Variants in ADTRP observed in about 807,000 individuals in gnomAD.
ADTRP encodes androgen dependent TFPI regulating protein, also known as androgen-dependent TFPI-regulating protein.
A neutral mutation model predicts 27.0 loss-of-function variants in ADTRP; 20 were observed. That is an observed-to-expected ratio of 0.74 (90% CI 0.52 to 1.08). The LOEUF (loss-of-function observed/expected upper bound fraction) is 1.08. Ranked by LOEUF, ADTRP falls within the 50% of genes least tolerant of loss-of-function variation. The pLI, the probability that ADTRP is intolerant of heterozygous loss-of-function variation, is 0.00. For synonymous variants in ADTRP, 101 were observed against 105.2 expected (o/e 0.96, Z 0.25); for missense variants, 251 against 275.0 (o/e 0.91, Z 0.62).
At chr6:11,747,251 T>C (rs1356578525) in intron 3 of ADTRP, among the ~76,000 whole-genome samples, 1 of 152,226 alleles carries the variant, frequency 6.6e-6, no homozygotes, top group Non-Finnish European at 1.5e-5. Context: ...GAGTTCCTAG[T>C]TGTGTTCAGA....
chr6:11,731,254 G>T (rs1289421852), intron 4 of ADTRP, among the ~76,000 whole-genome samples: 1 of 152,198 alleles, frequency 6.6e-6, no homozygotes, highest in East Asian at 1.9e-4. Context: ...AGTACATAAT[G>T]TGCTGGCTAG....
rs1561745106 is a variant in ADTRP, at chr6:11,727,964, AGGGAGGGAGGTAGGTAGG to A, written c.507-4482_507-4465del. Reference sequence around the variant, plus strand: ...AAAGAAGGAAGGAAGGGAGGCAGGGAGGGAGGGAGGTAGGTAGGGAGGGAGGGAGGGAGGGAGGGAGGG... The same window carrying A: ...AAAGAAGGAAGGAAGGGAGGCAGGGAGAGGGAGGGAGGGAGGGAGGGAGGG... On this transcript the variant is annotated intron_variant, in intron 4 of 5. Transcript: ENST00000414691. Among the ~76,000 whole-genome samples, 186 of 42,680 alleles carry A rather than the reference AGGGAGGGAGGTAGGTAGG, an allele frequency of 4.4e-3. 1 individual carries two copies. Among genetic ancestry groups the A allele is most frequent in the African/African-American group, 0.02 (182 of 9,130 alleles). The allele number at this position is 42,680 out of a possible 152,430, so 28.0% of individuals were successfully genotyped here.
intron 3 of ADTRP, among the ~76,000 whole-genome samples, chr6:11,765,323 G>GTTTTT (rs34943978): frequency 8.4e-6 from 1 of 119,136 alleles, no homozygotes; most frequent in Non-Finnish European, 1.6e-5. Flanking sequence ...CCCCTGGTTT[G>GTTTTT]TTTTTTTTTT....
At chr6:11,757,483 A>T (rs1460811268) in intron 3 of ADTRP, among the ~76,000 whole-genome samples, 1 of 152,156 alleles carries the variant, frequency 6.6e-6, no homozygotes, top group Non-Finnish European at 1.5e-5. Flanking sequence ...TTGCCAAACT[A>T]ACTGTACTAG....
intron 4 of ADTRP, among the ~76,000 whole-genome samples, chr6:11,727,390 T>C (rs758968413): frequency 2.6e-5 from 4 of 152,184 alleles, no homozygotes; most frequent in Non-Finnish European, 5.9e-5. Flanking sequence ...CCTGCATGGC[T>C]ACTTCTCATG....
chr6:11,768,148 T>C, intron 2 of ADTRP, 101 bp downstream of exon 2: 1 of 1,424,096 alleles, frequency 7.0e-7, no homozygotes, highest in Non-Finnish European at 9.6e-7. Flanking sequence ...GCAGTGGGTG[T>C]GGTTTCCAAT....
chr6:11,731,730 A>G (rs1762387022), intron 4 of ADTRP, among the ~76,000 whole-genome samples: 1 of 151,098 alleles, frequency 6.6e-6, no homozygotes, highest in South Asian at 2.1e-4. Flanking sequence ...AGCTGGATGC[A>G]AACTCTTCCT....
chr6:11,761,001 T>A (rs1763374884), intron 3 of ADTRP, among the ~76,000 whole-genome samples: 1 of 152,192 alleles, frequency 6.6e-6, no homozygotes, highest in African/African-American at 2.4e-5. Context: ...GAACCCTGGC[T>A]ACACCCTCTT....
chr6:11,751,859 G>A (rs1192433336), intron 3 of ADTRP, among the ~76,000 whole-genome samples: 2 of 152,186 alleles, frequency 1.3e-5, no homozygotes, highest in Non-Finnish European at 2.9e-5. Flanking sequence ...CAACACTTTG[G>A]AGCTATTATT....
intron 1 of ADTRP, among the ~76,000 whole-genome samples, chr6:11,771,536 C>T (rs552612244): frequency 2.0e-5 from 3 of 152,294 alleles, no homozygotes; most frequent in South Asian, 2.1e-4. Context: ...CCCACCCGAA[C>T]GGTCTGCTTA....
intron 4 of ADTRP, among the ~76,000 whole-genome samples, chr6:11,726,723 G>T (rs921313854): frequency 6.6e-6 from 1 of 152,216 alleles, no homozygotes; most frequent in Non-Finnish European, 1.5e-5. Context: ...GGAGATGGAT[G>T]GTGGTGATGG....
chr6:11,723,173 A>T (rs1371427316), intron 5 of ADTRP, among the ~76,000 whole-genome samples, 176 bp downstream of exon 5: 1 of 152,164 alleles, frequency 6.6e-6, no homozygotes, highest in Non-Finnish European at 1.5e-5. Flanking sequence ...CCCCACCCCC[A>T]ACGCTGTCCT....
chr6:11,767,775 C>T (rs545174343), intron 2 of ADTRP: 3 of 153,452 alleles, frequency 2.0e-5, no homozygotes, highest in Admixed American at 1.9e-4. Flanking sequence ...TTGTCTTTTC[C>T]ATGTGCCACC....
At position 11,727,349 on chromosome 6, in the gene ADTRP, A is replaced by T. The variant is rs187438835; in HGVS notation, c.507-3849T>A. 5.0e-4 allele frequency among the ~76,000 whole-genome samples: 73 copies of T among 147,088 alleles called. 1 individual carries two copies. The highest frequency in any genetic ancestry group is 2.6e-3 in the South Asian group (12 of 4,628). ...GTTCTTTAAGATATGCGTTCCATGG[A>T]TGCATTACAGGATGCCCACAGTGAT... On this transcript the variant is annotated intron_variant, in intron 4 of 5. Coordinates refer to ENST00000414691, the MANE Select transcript of ADTRP (RefSeq NM_032744.4).
chr6:11,773,951 C>T (rs1293786287), intron 1 of ADTRP, among the ~76,000 whole-genome samples: 1 of 152,158 alleles, frequency 6.6e-6, no homozygotes, highest in Non-Finnish European at 1.5e-5. Flanking sequence ...ACCCTTTCAG[C>T]TATTGAAGTG....
At chr6:11,747,261 A>C (rs75865947) in intron 3 of ADTRP, among the ~76,000 whole-genome samples, 3,212 of 152,312 alleles carry the variant, frequency 0.021, 105 homozygotes, top group African/African-American at 0.074. Flanking sequence ...TTGTGTTCAG[A>C]GGGAGATGCT....
chr6:11,772,896 T>C (rs1763830420), intron 1 of ADTRP, among the ~76,000 whole-genome samples: 2 of 152,114 alleles, frequency 1.3e-5, no homozygotes, highest in South Asian at 2.1e-4. Context: ...GAACCACAGT[T>C]TGGAATAATG....
At chr6:11,768,848 G>A (rs1010098861) in intron 1 of ADTRP, among the ~76,000 whole-genome samples, 6 of 152,080 alleles carry the variant, frequency 3.9e-5, no homozygotes, top group Non-Finnish European at 5.9e-5. Context: ...CAGGTCAAGA[G>A]GACCACCACG....
chr6:11,730,581 A>T (rs534782125), intron 4 of ADTRP, among the ~76,000 whole-genome samples: 1 of 152,326 alleles, frequency 6.6e-6, no homozygotes, highest in Non-Finnish European at 1.5e-5. Flanking sequence ...TCAGGGTAAG[A>T]TGTGTACATG....
Sources: gnomAD v4.1 joint callset for allele counts (sites outside exome capture counted in the v4.1 genomes callset) on GRCh38, gnomAD v4.1.1 for gene constraint, MANE v1.5 for transcripts, NCBI Gene and HGNC (gene_info 2026-07-23, HGNC 2026-07-21) for gene names.